Variants in CACNA1G observed in about 807,000 individuals in gnomAD.
CACNA1G encodes the protein calcium voltage-gated channel subunit alpha1 G, also known as voltage-dependent T-type calcium channel subunit alpha-1G.
In CACNA1G, 67 loss-of-function variants were observed where a neutral mutation model predicts 219.4. The observed-to-expected ratio is 0.31, with a 90% CI of 0.25 to 0.37. The LOEUF is 0.37. Ranked by LOEUF, CACNA1G falls within the 10% of genes least tolerant of loss-of-function variation. The pLI is 1.00. For missense variants in CACNA1G, 2,380 were observed against 3,231.4 expected (o/e 0.74, Z 6.39); for synonymous variants, 1,296 against 1,345.3 (o/e 0.96, Z 0.80).
intron 3 of CACNA1G, 97 bp from the exon 4 acceptor site, chr17:50,569,609 C>T: frequency 1.2e-6 from 1 of 850,464 alleles, no homozygotes. Context: ...AGTCAGAGGT[C>T]ATCCTGCTGC....
rs1259070508 is a variant in CACNA1G, at chr17:50,591,871, C to T, written c.2754+18C>T. On this transcript the variant is annotated intron_variant, in intron 12 of 37. Coordinates refer to ENST00000359106, the MANE Select transcript of CACNA1G (RefSeq NM_018896.5). ...TCTTTCAGGTGCGAGGGTAACAGGG[C>T]AGGGCGTGGACAGGGGCCGTCAGGT... is the stretch of plus-strand genomic sequence containing the variant. 1.2e-6 allele frequency: 2 copies of T among 1,613,612 alleles called. No individual in the cohort carries two copies. The highest frequency in any genetic ancestry group is 1.7e-6 in the Non-Finnish European group (2 of 1,179,506).
chr17:50,614,426 A>G (rs2049973536), intron 26 of CACNA1G, among the ~76,000 whole-genome samples: 1 of 152,034 alleles, frequency 6.6e-6, no homozygotes, highest in African/African-American at 2.4e-5. Context: ...CAATCTGTCA[A>G]CTTCCTCCCA....
rs906392544 is a variant in CACNA1G at position 50,561,443 on chromosome 17, C to T, written c.-17C>T. 9 of 1,533,424 alleles carry T rather than the reference C, an allele frequency of 5.9e-6. No individual in the cohort carries two copies. The highest frequency in any genetic ancestry group is 7.9e-6 in the Non-Finnish European group (9 of 1,146,458). The allele number at this position is 1,533,424 out of a possible 1,614,324, so 95.0% of individuals were successfully genotyped here. On this transcript the variant is annotated 5_prime_UTR_variant, in exon 1 of 38. Coordinates refer to ENST00000359106, the MANE Select transcript of CACNA1G (RefSeq NM_018896.5). ...TTGCCCCTCTCCGGATCGCCCGGGG[C>T]CCCGGCTGGCCAGAGGATGGACGAG...
rs578024794 is a variant in CACNA1G at position 50,574,740 on chromosome 17, GA to G, written c.1141-793del. Among the ~76,000 whole-genome samples, 763 of 150,528 alleles carry G rather than the reference GA, an allele frequency of 5.1e-3. 2 individuals carry two copies. Among genetic ancestry groups the G allele is most frequent in the African/African-American group, 0.014 (558 of 41,118 alleles). On this transcript the variant is annotated intron_variant, in intron 7 of 37. Coordinates refer to ENST00000359106, the MANE Select transcript of CACNA1G (RefSeq NM_018896.5). ...ATCATAATTACTAGGACACGATCTA[GA>G]AAAAAAAAATCTGCTTTGTCACCAT... is the stretch of plus-strand genomic sequence containing the variant.
chr17:50,604,903 C>A (rs1166593639), intron 22 of CACNA1G, among the ~76,000 whole-genome samples: 1 of 152,180 alleles, frequency 6.6e-6, no homozygotes, highest in Non-Finnish European at 1.5e-5. Context: ...AGACAGCTGG[C>A]TGTTCAGGCA....
chr17:50,596,720 C>T lies in CACNA1G; in HGVS notation c.3065-10C>T. On this transcript the variant is annotated splice_polypyrimidine_tract_variant and intron_variant, in intron 15 of 37. Transcript: ENST00000359106. This position sits in a 1 kb window ranked among gnomAD's most constrained non-coding sequence, Gnocchi z 4.8. Reference sequence around the variant, plus strand: ...GTGGACTCGGGATCTCTCCCTCTCTCCCCGTGCAGTGGTGTCCCTGGGAGA... The same window carrying T: ...GTGGACTCGGGATCTCTCCCTCTCTTCCCGTGCAGTGGTGTCCCTGGGAGA... 6.2e-7 allele frequency: 1 copy of T among 1,613,410 alleles called. No individual in the cohort carries two copies. The highest frequency in any genetic ancestry group is 8.5e-7 in the Non-Finnish European group (1 of 1,179,722).
Position 50,615,351 on chromosome 17 carries a change from G to A in CACNA1G, c.4760-10G>A, listed in dbSNP as rs771952919. 3 of 1,581,456 alleles carry A rather than the reference G, an allele frequency of 1.9e-6. No individual in the cohort carries two copies. Among genetic ancestry groups the A allele is most frequent in the East Asian group, 2.3e-5 (1 of 44,140 alleles). On this transcript the variant is annotated splice_polypyrimidine_tract_variant and intron_variant, in intron 26 of 37. Transcript: ENST00000359106. The stretch of plus-strand genomic sequence containing the variant: ...TGACGCTTGCTCTGCTCTTCCCCCT[G>A]CCCCATCAGAAGCCCAGTGCAAACC...
At chr17:50,608,057 C>A (rs761437807) in intron 25 of CACNA1G, 38 bp downstream of exon 25, 16 of 1,558,420 alleles carry the variant, frequency 1.0e-5, no homozygotes, top group Non-Finnish European at 1.3e-5. Context: ...AGTCTTTCCA[C>A]CTCTCTCTGG....
chr17:50,598,035 C>T (rs1041833731), intron 16 of CACNA1G, among the ~76,000 whole-genome samples: 2 of 152,078 alleles, frequency 1.3e-5, no homozygotes, highest in Admixed American at 6.6e-5. Context: ...TTCTTTCTTT[C>T]TTTCTTTCTT....
chr17:50,583,120 C>A (rs559005368), intron 9 of CACNA1G, among the ~76,000 whole-genome samples: 2 of 152,212 alleles, frequency 1.3e-5, no homozygotes, highest in Admixed American at 1.3e-4. Context: ...GCCTGGACAC[C>A]CTAAATGTGG....
In CACNA1G at chr17:50,615,367, A is replaced by C; in HGVS notation, c.4766A>C (p.Gln1589Pro). 1 of 1,595,084 alleles carries C rather than the reference A, an allele frequency of 6.3e-7. No homozygotes were observed. The highest frequency in any genetic ancestry group is 1.1e-5 in the South Asian group (1 of 89,476). The change falls in exon 27 of 38, where the codon CAG becomes CCG. Residue 1589 changes from glutamine to proline, a missense_variant. Physicochemically the swap from Gln to Pro is moderately conservative, Grantham distance 76. Coordinates refer to ENST00000359106, the MANE Select transcript of CACNA1G (RefSeq NM_018896.5). Reference protein sequence around the residue: ...GSSASAASEAQCKPYYSDYSR... With the variant: ...GSSASAASEAPCKPYYSDYSR... ...CTTCCCCCTGCCCCATCAGAAGCCC[A>C]GTGCAAACCTTACTACTCCGACTAC...
chr17:50,619,656 G>A (rs1307683342), intron 33 of CACNA1G, 27 bp from the exon 34 acceptor site: 6 of 1,600,178 alleles, frequency 3.7e-6, no homozygotes, highest in Middle Eastern at 1.6e-4. Context: ...CTGCCTCTCC[G>A]GCTCCCCTTA....
rs529772759 is a variant in CACNA1G at position 50,581,852 on chromosome 17, T to A, written c.2301+3288T>A. On this transcript the variant is annotated intron_variant, in intron 9 of 37. Transcript: ENST00000359106. ...GAGTCCAGAACCTTTTTCCAATTCA[T>A]CCTTTTGCACTGGAGTTGGGCCTAA... 3.9e-5 allele frequency among the ~76,000 whole-genome samples: 6 copies of A among 152,372 alleles called. No individual in the cohort carries two copies. The East Asian group carries it at 1.2e-3, about 29-fold the overall frequency.
intron 1 of CACNA1G, among the ~76,000 whole-genome samples, chr17:50,566,147 G>A (rs893686560): frequency 3.3e-5 from 5 of 152,162 alleles, no homozygotes; most frequent in Admixed American, 6.5e-5. Flanking sequence ...GCCTCAGTCA[G>A]GGGAGATCAT....
chr17:50,606,381 A>C, intron 23 of CACNA1G: 1 of 567,946 alleles, frequency 1.8e-6, no homozygotes, highest in South Asian at 2.0e-5. Context: ...CACCATTGTC[A>C]GCTCAATGAC....
intron 9 of CACNA1G, among the ~76,000 whole-genome samples, chr17:50,579,024 G>A (rs2041328712): frequency 6.6e-6 from 1 of 152,098 alleles, no homozygotes; most frequent in South Asian, 2.1e-4. Flanking sequence ...CAGAGGGGAG[G>A]GTTGGTGCCT....
At chr17:50,616,021 C>G (rs2050492383) in intron 27 of CACNA1G, among the ~76,000 whole-genome samples, 2 of 152,246 alleles carry the variant, frequency 1.3e-5, no homozygotes, top group South Asian at 2.1e-4. Context: ...CTAGTACATT[C>G]TCATGTGATC....
At chr17:50,613,820 C>T (rs1286790183) in intron 26 of CACNA1G, among the ~76,000 whole-genome samples, 2 of 151,996 alleles carry the variant, frequency 1.3e-5, no homozygotes, top group Non-Finnish European at 2.9e-5. Context: ...GGAAGAGGCC[C>T]GGCCCACCCG....
At chr17:50,595,509 C>T (rs1007612386) in intron 14 of CACNA1G, among the ~76,000 whole-genome samples, 6 of 152,388 alleles carry the variant, frequency 3.9e-5, no homozygotes, top group African/African-American at 1.4e-4. Context: ...TGTTGGAGAC[C>T]CCGCAAGCTG....
Sources: allele counts gnomAD v4.1 joint callset (sites outside exome capture counted in the v4.1 genomes callset), GRCh38; gene constraint gnomAD v4.1.1; non-coding constraint Gnocchi (gnomAD v3.1); transcripts MANE v1.5; gene names NCBI Gene and HGNC (gene_info 2026-07-23, HGNC 2026-07-21).